SOX5: variants seen among roughly 807,000 people sequenced by gnomAD.
SOX5 encodes the protein transcription factor SOX-5.
Under a neutral mutation model 92.0 loss-of-function variants are expected in SOX5, and 9 were observed. The ratio of observed to expected loss-of-function variants is 0.10; its 90% CI spans 0.06 to 0.17. SOX5 has a LOEUF of 0.17. Ranked by LOEUF, SOX5 falls within the 10% of genes least tolerant of loss-of-function variation. The pLI is 1.00. For missense variants in SOX5, 642 were observed against 944.5 expected, an observed-to-expected ratio of 0.68 and a Z score of 4.20; for synonymous variants, 344 against 336.3, an observed-to-expected ratio of 1.02 and a Z score of -0.25.
chr12:24,055,203 C>A (rs1168483177), intron 4 of SOX5, among the ~76,000 whole-genome samples: 1 of 152,200 alleles, frequency 6.6e-6, no homozygotes, highest in Non-Finnish European at 1.5e-5. Flanking sequence ...TTAGGCCAAG[C>A]AGGCCCATCA....
At chr12:23,620,714 A>G (rs764761934) in intron 8 of SOX5, among the ~76,000 whole-genome samples, 14 of 152,092 alleles carry the variant, frequency 9.2e-5, no homozygotes, top group Admixed American at 2.0e-4. Flanking sequence ...TTGCATTTAC[A>G]ATTCATTTTT....
intron 5 of SOX5, among the ~76,000 whole-genome samples, chr12:23,736,884 G>C (rs906316650): frequency 6.6e-6 from 1 of 151,594 alleles, no homozygotes; most frequent in Non-Finnish European, 1.5e-5. Context: ...CTAGAGACAC[G>C]GTTTCACCAT....
rs759004069 is a variant in SOX5, at chr12:23,563,421, C to A, written c.1343-18G>T. ...TAAGTAACCTGAACATGAGACAGATCAAAGGATATCTTTTGTATAAAAGCA... is the reference window on the plus strand; with the variant it reads ...TAAGTAACCTGAACATGAGACAGATAAAAGGATATCTTTTGTATAAAAGCA... On this transcript the variant is annotated intron_variant, in intron 10 of 14. Coordinates refer to ENST00000451604, the MANE Select transcript of SOX5 (RefSeq NM_006940.6). The A allele has an allele frequency of 6.2e-7, 1 of 1,609,870 alleles. No individual in the cohort carries two copies. Among genetic ancestry groups the A allele is most frequent in the South Asian group, 1.1e-5 (1 of 90,454 alleles).
intron 4 of SOX5, among the ~76,000 whole-genome samples, chr12:24,057,176 T>C (rs573247744): frequency 6.6e-6 from 1 of 151,662 alleles, no homozygotes; most frequent in South Asian, 2.1e-4. Flanking sequence ...TACATGGACA[T>C]GAGGATGGTC....
At chr12:23,618,679 G>A (rs1275632186) in intron 8 of SOX5, among the ~76,000 whole-genome samples, 3 of 152,260 alleles carry the variant, frequency 2.0e-5, no homozygotes, top group African/African-American at 4.8e-5. Flanking sequence ...TGAGTTTGGT[G>A]AGAAAGATGA....
At chr12:24,402,584 T>A (rs187649505) in intron 1 of SOX5, among the ~76,000 whole-genome samples, 1 of 152,222 alleles carries the variant, frequency 6.6e-6, no homozygotes, top group South Asian at 2.1e-4. Context: ...CTAAAGCTTA[T>A]ACAATTTGGG....
chr12:23,692,772 G>A lies in SOX5; in HGVS notation c.811-27208C>T, dbSNP rs185397116. The stretch of plus-strand genomic sequence containing the variant: ...GGTAAATTTTTCCACAACAGTGGCT[G>A]TTTCACAATTTCTCGCTGTGGTTAT... On this transcript the variant is annotated intron_variant, in intron 6 of 14. Transcript: ENST00000451604. 7.2e-4 allele frequency among the ~76,000 whole-genome samples: 110 copies of A among 152,222 alleles called. No homozygotes were observed. In the East Asian group the frequency reaches 0.013, roughly 17 times the overall value.
intron 3 of SOX5, among the ~76,000 whole-genome samples, chr12:24,221,874 T>A (rs1453166377): frequency 1.3e-5 from 2 of 152,160 alleles, no homozygotes; most frequent in Non-Finnish European, 2.9e-5. Context: ...GAACTTTTCA[T>A]ACAGAGTAAA....
chr12:24,110,914 A>AT (rs1355583867), intron 4 of SOX5, among the ~76,000 whole-genome samples: 2 of 150,224 alleles, frequency 1.3e-5, no homozygotes, highest in Admixed American at 1.3e-4. Flanking sequence ...AAAAAAAAAA[A>AT]AAAAAAAAAA....
intron 6 of SOX5, among the ~76,000 whole-genome samples, chr12:23,668,411 T>C (rs1212812085): frequency 1.3e-5 from 2 of 152,152 alleles, no homozygotes; most frequent in Admixed American, 1.3e-4. Context: ...GCAGTGACTG[T>C]ATTATTCCTA....
chr12:24,162,114 A>T (rs1952825850), intron 4 of SOX5, among the ~76,000 whole-genome samples: 1 of 152,094 alleles, frequency 6.6e-6, no homozygotes, highest in Admixed American at 6.6e-5. Context: ...TGGATTGGTC[A>T]CTGAATTTTT....
chr12:24,137,204 C>T (rs550547753), intron 4 of SOX5, among the ~76,000 whole-genome samples: 4 of 152,114 alleles, frequency 2.6e-5, no homozygotes, highest in Admixed American at 6.6e-5. Context: ...CAATTATGGA[C>T]GGCATATGTG....
chr12:24,165,108 T>C (rs915520548), intron 4 of SOX5, among the ~76,000 whole-genome samples: 4 of 152,120 alleles, frequency 2.6e-5, no homozygotes, highest in African/African-American at 9.6e-5. Context: ...TTCAAAGTGG[T>C]ATTTCAAAAA....
intron 3 of SOX5, among the ~76,000 whole-genome samples, chr12:24,217,880 C>T (rs1328387009): frequency 2.6e-5 from 4 of 152,132 alleles, no homozygotes; most frequent in African/African-American, 4.8e-5. Flanking sequence ...AGATGATGCT[C>T]AATATCATTA....
At chr12:23,877,583 C>G (rs1431012346) in intron 2 of SOX5, among the ~76,000 whole-genome samples, 1 of 151,944 alleles carries the variant, frequency 6.6e-6, no homozygotes, top group Admixed American at 6.6e-5. Context: ...AGAGATATAT[C>G]AAAGCAAAGA....
intron 4 of SOX5, among the ~76,000 whole-genome samples, chr12:23,979,960 G>A (rs1422617633): frequency 1.3e-5 from 2 of 150,638 alleles, no homozygotes; most frequent in Non-Finnish European, 2.9e-5. Context: ...TAGACAGACA[G>A]ACAGATAGAT....
chr12:24,436,371 G>C (rs1429715665), intron 1 of SOX5, among the ~76,000 whole-genome samples: 1 of 152,192 alleles, frequency 6.6e-6, no homozygotes, highest in Non-Finnish European at 1.5e-5. Flanking sequence ...AAGTGAAACA[G>C]ACTTCTGACT....
At chr12:23,586,799 A>G (rs980124929) in intron 9 of SOX5, among the ~76,000 whole-genome samples, 1 of 151,866 alleles carries the variant, frequency 6.6e-6, no homozygotes, top group Non-Finnish European at 1.5e-5. Context: ...ATATTCATCA[A>G]AGCAATTATT....
At chr12:24,086,677 C>T (rs987107127) in intron 4 of SOX5, among the ~76,000 whole-genome samples, 5 of 151,976 alleles carry the variant, frequency 3.3e-5, no homozygotes, top group African/African-American at 1.2e-4. Context: ...CTTCTAGTAA[C>T]TATATTCTTT....
Sources: gnomAD v4.1 joint callset for allele counts (sites outside exome capture counted in the v4.1 genomes callset) on GRCh38, gnomAD v4.1.1 for gene constraint, MANE v1.5 for transcripts, NCBI Gene and HGNC (gene_info 2026-07-23, HGNC 2026-07-21) for gene names.